The following ZEB1 variants were observed in gnomAD, a reference collection of about 807,000 sequenced individuals.
ZEB1 encodes zinc finger E-box-binding homeobox 1.
Under a neutral mutation model 84.9 loss-of-function variants are expected in ZEB1, and 21 were observed. The ratio of observed to expected loss-of-function variants is 0.25; its 90% CI spans 0.18 to 0.36. The LOEUF (loss-of-function observed/expected upper bound fraction) is 0.36, where lower values mean the gene tolerates loss of function less well. Ranked by LOEUF, ZEB1 falls within the 10% of genes least tolerant of loss-of-function variation. ZEB1 has a pLI of 1.00. For synonymous variants in ZEB1, 420 were observed against 471.1 expected (o/e 0.89, Z 1.41); for missense variants, 1,104 against 1,330.2 (o/e 0.83, Z 2.65).
At chr10:31,470,031 A>G (rs2062998266) in intron 2 of ZEB1, among the ~76,000 whole-genome samples, 1 of 151,804 alleles carries the variant, frequency 6.6e-6, no homozygotes, top group African/African-American at 2.4e-5. Context: ...ACTAACAAAC[A>G]GAAAGGACAT....
rs189084566 is a variant in ZEB1, at chr10:31,427,727, C to T, written c.59-33310C>T. ...AAAAAAAATTAGCCGGGCGTGGTGGCGGGCGCCTGTAGTCCCAGCTACTCG... is the reference window on the plus strand; with the variant it reads ...AAAAAAAATTAGCCGGGCGTGGTGGTGGGCGCCTGTAGTCCCAGCTACTCG... On this transcript the variant is annotated intron_variant, in intron 1 of 8. Coordinates refer to ENST00000424869, the MANE Select transcript of ZEB1 (RefSeq NM_001174096.2). 9.4e-3 allele frequency among the ~76,000 whole-genome samples: 1,428 copies of T among 152,010 alleles called. 23 individuals are homozygous for T. The highest frequency in any genetic ancestry group is 0.033 in the African/African-American group (1,358 of 41,482).
At chr10:31,513,062 C>T (rs2070395962) in intron 5 of ZEB1, among the ~76,000 whole-genome samples, 1 of 152,062 alleles carries the variant, frequency 6.6e-6, no homozygotes, top group Admixed American at 6.6e-5. Context: ...TGTCAAGGAT[C>T]CAGGAATTTT....
chr10:31,511,655 G>C (rs220063), intron 5 of ZEB1, among the ~76,000 whole-genome samples: 1 of 152,010 alleles, frequency 6.6e-6, no homozygotes, highest in South Asian at 2.1e-4. Context: ...CACAGGGTTT[G>C]TGAGGGTACA....
intron 1 of ZEB1, among the ~76,000 whole-genome samples, chr10:31,455,945 GAC>G (rs1457304156): frequency 6.6e-6 from 1 of 152,166 alleles, no homozygotes; most frequent in Non-Finnish European, 1.5e-5. Context: ...CTGCTATAAA[GAC>G]ACATGCACAC....
At chr10:31,354,364 C>T (rs2041790353) in intron 1 of ZEB1, among the ~76,000 whole-genome samples, 1 of 152,126 alleles carries the variant, frequency 6.6e-6, no homozygotes, top group Admixed American at 6.5e-5. Flanking sequence ...ATGCATATTA[C>T]TATATTTTCT....
intron 4 of ZEB1, among the ~76,000 whole-genome samples, chr10:31,504,431 T>C (rs963314758): frequency 7.9e-5 from 12 of 152,104 alleles, no homozygotes; most frequent in African/African-American, 2.9e-4. Context: ...TTGCTTTGGC[T>C]ATATTGGTCT....
chr10:31,517,196 A>G (rs868087828), intron 6 of ZEB1, among the ~76,000 whole-genome samples: 1 of 152,042 alleles, frequency 6.6e-6, no homozygotes, highest in African/African-American at 2.4e-5. Context: ...TTTTGAAAAG[A>G]TGTTGAGAAT....
At chr10:31,465,782 TTA>T (rs1491124110) in intron 2 of ZEB1, among the ~76,000 whole-genome samples, 7 of 129,354 alleles carry the variant, frequency 5.4e-5, no homozygotes, top group South Asian at 2.4e-4. Context: ...TGTGGCTAAT[TTA>T]AAAAAAAAAA....
intron 1 of ZEB1, among the ~76,000 whole-genome samples, chr10:31,360,173 T>C (rs559273241): frequency 6.6e-6 from 1 of 152,330 alleles, no homozygotes; most frequent in Non-Finnish European, 1.5e-5. Flanking sequence ...GTGCCCCTGC[T>C]CCTGCCCCTT....
intron 2 of ZEB1, among the ~76,000 whole-genome samples, chr10:31,471,097 C>T (rs1386008060): frequency 4.6e-5 from 6 of 130,494 alleles, no homozygotes; most frequent in East Asian, 2.2e-4. Context: ...CGGTACCAGC[C>T]GCTGCAAAAT....
At chr10:31,438,770 G>C (rs1359483328) in intron 1 of ZEB1, among the ~76,000 whole-genome samples, 1 of 152,220 alleles carries the variant, frequency 6.6e-6, no homozygotes, top group Non-Finnish European at 1.5e-5. Context: ...CTTGAGCCTA[G>C]CAGTACACAG....
intron 1 of ZEB1, among the ~76,000 whole-genome samples, chr10:31,369,247 T>C (rs1011180587): frequency 2.0e-5 from 3 of 152,320 alleles, no homozygotes; most frequent in East Asian, 3.9e-4. Context: ...TTTTATTATT[T>C]TGAAATACTT....
chr10:31,515,958 G>A (rs1444879138), intron 6 of ZEB1, among the ~76,000 whole-genome samples: 1 of 151,938 alleles, frequency 6.6e-6, no homozygotes, highest in East Asian at 1.9e-4. Flanking sequence ...TCAGGGCAGA[G>A]GAAGGAAAAT....
intron 6 of ZEB1, among the ~76,000 whole-genome samples, chr10:31,518,430 G>T (rs1179820763): frequency 6.6e-6 from 1 of 152,070 alleles, no homozygotes; most frequent in Non-Finnish European, 1.5e-5. Context: ...GTTCTGTGTG[G>T]CATCAGGACA....
At chr10:31,319,444 C>T (rs941387600) in intron 1 of ZEB1, 152 bp downstream of exon 1, 12 of 723,882 alleles carry the variant, frequency 1.7e-5, no homozygotes, top group Non-Finnish European at 2.5e-5. Flanking sequence ...GCTCTCTGCC[C>T]CCCTCCGCTG....
At chr10:31,452,576 C>G (rs1396848812) in intron 1 of ZEB1, among the ~76,000 whole-genome samples, 1 of 152,002 alleles carries the variant, frequency 6.6e-6, no homozygotes, top group African/African-American at 2.4e-5. Context: ...GTTGCTAACA[C>G]TTAAGTATAT....
intron 6 of ZEB1, among the ~76,000 whole-genome samples, chr10:31,519,334 TA>T (rs1316385425): frequency 2.6e-5 from 4 of 152,184 alleles, no homozygotes; most frequent in Non-Finnish European, 5.9e-5. Flanking sequence ...CCAAGGAGAA[TA>T]AATGCCTTTT....
Position 31,505,327 on chromosome 10 carries a change from C to T in ZEB1, c.484+2818C>T, listed in dbSNP as rs192145654. Among the ~76,000 whole-genome samples, 367 of 152,060 alleles carry T rather than the reference C, an allele frequency of 2.4e-3. 1 individual carries two copies. Among genetic ancestry groups the T allele is most frequent in the African/African-American group, 8.1e-3 (336 of 41,486 alleles). On this transcript the variant is annotated intron_variant, in intron 4 of 8. Coordinates refer to ENST00000424869, the MANE Select transcript of ZEB1 (RefSeq NM_001174096.2). ...TAGAATGAAGTAGGGAGAATTCCCT[C>T]CTCTTCAGTTTTTTGGAATAGTTTG...
chr10:31,469,143 A>G (rs757942180), intron 2 of ZEB1, among the ~76,000 whole-genome samples: 11 of 152,234 alleles, frequency 7.2e-5, no homozygotes, highest in Non-Finnish European at 1.6e-4. Context: ...AGCCTTAACA[A>G]TAGACTAGAC....
Sources: gnomAD v4.1 joint callset for allele counts (sites outside exome capture counted in the v4.1 genomes callset) on GRCh38, gnomAD v4.1.1 for gene constraint, MANE v1.5 for transcripts, NCBI Gene and HGNC (gene_info 2026-07-23, HGNC 2026-07-21) for gene names.